CHRNA7: variants seen among roughly 807,000 people sequenced by gnomAD.
CHRNA7 encodes the protein cholinergic receptor nicotinic alpha 7 subunit.
A neutral mutation model predicts 48.0 loss-of-function variants in CHRNA7; 17 were observed. That is an observed-to-expected ratio of 0.35 (90% confidence interval 0.24 to 0.53). CHRNA7 has a LOEUF of 0.53. CHRNA7 is among the 20% of genes least tolerant of loss of function. CHRNA7 has a pLI of 0.92. For missense variants in CHRNA7, 155 were observed against 577.7 expected (o/e 0.27, Z 7.50); for synonymous variants, 75 against 242.3 (o/e 0.31, Z 6.41).
intron 2 of CHRNA7, among the ~76,000 whole-genome samples, chr15:32,087,225 C>T (rs974021143): frequency 2.0e-5 from 3 of 152,036 alleles, no homozygotes; most frequent in African/African-American, 7.3e-5. Flanking sequence ...TCCAGTATTA[C>T]CTTATTTTGT....
chr15:32,042,168 T>C (rs557003894), intron 2 of CHRNA7, among the ~76,000 whole-genome samples: 12 of 152,206 alleles, frequency 7.9e-5, no homozygotes, highest in African/African-American at 2.9e-4. Flanking sequence ...GGGGAAGCAT[T>C]CTATACTCCT....
intron 2 of CHRNA7, among the ~76,000 whole-genome samples, chr15:32,064,747 G>T (rs1311780816): frequency 6.6e-6 from 1 of 152,090 alleles, no homozygotes; most frequent in Non-Finnish European, 1.5e-5. Context: ...GGGAGGGGCT[G>T]GGGGTCATGC....
At chr15:32,034,521 G>T (rs527712826) in intron 2 of CHRNA7, among the ~76,000 whole-genome samples, 1 of 152,134 alleles carries the variant, frequency 6.6e-6, no homozygotes, top group Non-Finnish European at 1.5e-5. Context: ...TGAGTGTGGG[G>T]ACAGTAAGGT....
At chr15:32,030,734 C>T (rs1380948608) in intron 1 of CHRNA7, 85 bp downstream of exon 1, 2 of 1,530,350 alleles carry the variant, frequency 1.3e-6, no homozygotes, top group Non-Finnish European at 1.8e-6. Context: ...GCGCCTGGGC[C>T]AGGTTTGGGA....
intron 2 of CHRNA7, among the ~76,000 whole-genome samples, chr15:32,075,881 A>G (rs1160621879): frequency 6.6e-6 from 1 of 151,922 alleles, no homozygotes; most frequent in Non-Finnish European, 1.5e-5. Flanking sequence ...CACAAATTTT[A>G]ATATGTTGTA....
chr15:32,093,679 C>T (rs759469017), intron 2 of CHRNA7, among the ~76,000 whole-genome samples: 10 of 152,100 alleles, frequency 6.6e-5, no homozygotes, highest in Admixed American at 1.3e-4. Flanking sequence ...ATTTATTCTC[C>T]CTAAAGGAGC....
chr15:32,101,918 C>G (rs1256242293), intron 3 of CHRNA7: 2 of 138,632 alleles, frequency 1.4e-5, no homozygotes. Flanking sequence ...AAAAATGAAA[C>G]AGTCAGTCTC....
intron 4 of CHRNA7, among the ~76,000 whole-genome samples, chr15:32,119,863 G>T (rs1328565313): frequency 6.6e-6 from 1 of 152,152 alleles, no homozygotes; most frequent in African/African-American, 2.4e-5. Context: ...CCAGCTGTTT[G>T]CCTCGGGCTA....
chr15:32,065,150 G>A (rs560890903), intron 2 of CHRNA7, among the ~76,000 whole-genome samples: 14 of 152,258 alleles, frequency 9.2e-5, no homozygotes, highest in East Asian at 1.9e-4. Context: ...AAAATAGGCC[G>A]AATCTTGGTA....
At chr15:32,133,403 C>T (rs970912413) in intron 4 of CHRNA7, among the ~76,000 whole-genome samples, 8 of 152,130 alleles carry the variant, frequency 5.3e-5, no homozygotes, top group Admixed American at 2.0e-4. Context: ...GGGTGGGGCC[C>T]GTGGAGCCCA....
chr15:32,157,768 C>T lies in CHRNA7; in HGVS notation c.591C>T (p.Asp197=). The T allele has an allele frequency of 7.8e-7, 1 of 1,284,836 alleles. No individual in the cohort carries two copies. The highest frequency in any genetic ancestry group is 1.1e-6 in the Non-Finnish European group (1 of 923,486). The allele number at this position is 1,284,836 out of a possible 1,614,324, so 79.6% of individuals were successfully genotyped here. The change falls in exon 6 of 10, where the codon GAC becomes GAT. Residue 197 remains aspartate, a synonymous_variant. Coordinates refer to ENST00000306901, the MANE Select transcript of CHRNA7 (RefSeq NM_000746.6). ...ISGYIPNGEW[D]LVGIPGKRSE... ...GCTATATCCCCAATGGAGAATGGGA[C>T]CTAGTGGGTAAGCCATGGGACTAAC...
intron 4 of CHRNA7, among the ~76,000 whole-genome samples, chr15:32,136,896 G>A (rs1458249831): frequency 1.3e-5 from 2 of 150,534 alleles, no homozygotes; most frequent in Admixed American, 6.6e-5. Context: ...GCCGGGCGTG[G>A]TGGCGGGCGC....
intron 2 of CHRNA7, among the ~76,000 whole-genome samples, chr15:32,097,401 A>G (rs1180692180): frequency 6.6e-6 from 1 of 152,122 alleles, no homozygotes; most frequent in Admixed American, 6.5e-5. Flanking sequence ...ATGACGGTGC[A>G]GTCATGATGG....
intron 3 of CHRNA7, among the ~76,000 whole-genome samples, chr15:32,103,565 A>G (rs1337854975): frequency 6.6e-6 from 1 of 152,196 alleles, no homozygotes; most frequent in Non-Finnish European, 1.5e-5. Context: ...GATTTAAAGC[A>G]GCATACTTCA....
chr15:32,150,392 G>A (rs1448899125), intron 4 of CHRNA7, among the ~76,000 whole-genome samples: 1 of 152,154 alleles, frequency 6.6e-6, no homozygotes, highest in East Asian at 1.9e-4. Context: ...TGCTACTGAG[G>A]GTGATTGATG....
At chr15:32,038,190 GTATA>G in intron 2 of CHRNA7, among the ~76,000 whole-genome samples, 1 of 146,822 alleles carries the variant, frequency 6.8e-6, no homozygotes, top group Non-Finnish European at 1.5e-5. Context: ...AACATATTTT[GTATA>G]TATAATATAC....
rs894848426 is a variant in CHRNA7, at chr15:32,128,475, A to G, written c.350+16576A>G. On this transcript the variant is annotated intron_variant, in intron 4 of 9. Coordinates refer to ENST00000306901, the MANE Select transcript of CHRNA7 (RefSeq NM_000746.6). ...TTCCATCAGTATTTTGTAGTTTTCA[A>G]CATGTGAGATTTATGCTTGTTTTGT... Among the ~76,000 whole-genome samples, 5 of 152,004 alleles carry G rather than the reference A, an allele frequency of 3.3e-5. No individual in the cohort carries two copies. In the East Asian group the frequency reaches 9.6e-4, roughly 29 times the overall value.
intron 2 of CHRNA7, among the ~76,000 whole-genome samples, chr15:32,076,403 A>G (rs2050136735): frequency 6.6e-6 from 1 of 152,148 alleles, no homozygotes. Context: ...TTATCGTCAG[A>G]TATTGTCTCT....
At chr15:32,060,346 G>GT (rs1048640854) in intron 2 of CHRNA7, among the ~76,000 whole-genome samples, 1 of 152,160 alleles carries the variant, frequency 6.6e-6, no homozygotes, top group Non-Finnish European at 1.5e-5. Flanking sequence ...ACCTGTGTGT[G>GT]TGTGTGCACG....
Sources: gnomAD v4.1 joint callset for allele counts (sites outside exome capture counted in the v4.1 genomes callset) on GRCh38, gnomAD v4.1.1 for gene constraint, MANE v1.5 for transcripts, NCBI Gene and HGNC (gene_info 2026-07-23, HGNC 2026-07-21) for gene names.